The following CENPN variants were observed in gnomAD, a reference collection of about 807,000 sequenced individuals.
CENPN encodes interphase centromere complex protein 32.
Under a neutral mutation model 48.6 loss-of-function variants are expected in CENPN, and 36 were observed. That is an observed-to-expected ratio of 0.74 (90% confidence interval 0.57 to 0.98). The LOEUF is 0.98. CENPN is among the 50% of genes least tolerant of loss of function. The pLI, the probability that CENPN is intolerant of heterozygous loss-of-function variation, is 0.00. For missense variants in CENPN, 439 were observed against 399.2 expected, an observed-to-expected ratio of 1.10 and a Z score of -0.85; for synonymous variants, 166 against 135.2, an observed-to-expected ratio of 1.23 and a Z score of -1.58.
chr16:81,028,441 T>C (rs1197619549), intron 10 of CENPN, 128 bp from the exon 11 acceptor site: 6 of 1,481,686 alleles, frequency 4.0e-6, no homozygotes, highest in Non-Finnish European at 4.6e-6. Flanking sequence ...TCTGCTTCTG[T>C]ACTTAATAGG....
chr16:81,014,147 A>G lies in CENPN; in HGVS notation c.183A>G (p.Ala61=). 1 of 1,613,562 alleles carries G rather than the reference A, an allele frequency of 6.2e-7. No homozygotes were observed. ...GTTTTCTCTTTTAGGAAAAGCGTGCAAGTATCAGTGATGCTGCCCTGTTAG... is the reference window on the plus strand; with the variant it reads ...GTTTTCTCTTTTAGGAAAAGCGTGCGAGTATCAGTGATGCTGCCCTGTTAG... The part of the protein sequence containing the change: ...HLIHLCEEKR[A]SISDAALLDI... Residue 61 remains alanine, a synonymous_variant, in exon 3 of 11, where the codon GCA becomes GCG. Transcript: ENST00000305850.
chr16:81,026,792 T>C (rs1222574812), intron 9 of CENPN, among the ~76,000 whole-genome samples, 154 bp downstream of exon 9: 1 of 152,260 alleles, frequency 6.6e-6, no homozygotes, highest in Non-Finnish European at 1.5e-5. Flanking sequence ...GACCTCTTTA[T>C]TGTATTTATA....
chr16:81,009,403 A>T (rs1969646470), intron 1 of CENPN, among the ~76,000 whole-genome samples: 1 of 152,132 alleles, frequency 6.6e-6, no homozygotes. Context: ...TTCTCTAGAG[A>T]TTATTTAAGA....
chr16:81,017,704 C>A, intron 4 of CENPN, 54 bp from the exon 5 acceptor site: 1 of 1,214,244 alleles, frequency 8.2e-7, no homozygotes, highest in Non-Finnish European at 1.2e-6. Flanking sequence ...AATGTATTTA[C>A]TGAAGACATT....
chr16:81,029,078 C>T lies in CENPN; in HGVS notation c.*427C>T. The T allele has an allele frequency of 1.0e-6, 1 of 987,002 alleles. No homozygotes were observed. Among genetic ancestry groups the T allele is most frequent in the African/African-American group, 1.7e-5 (1 of 57,356 alleles). The allele number at this position is 987,002 out of a possible 1,614,324, so 61.1% of individuals were successfully genotyped here. On this transcript the variant is annotated 3_prime_UTR_variant, in exon 11 of 11. Transcript: ENST00000305850. ...AGCTCTGGATCACAGAGAGAAGCAA[C>T]AAGGAACTATACTCAACTCAAAACT...
chr16:81,029,029 C>G lies in CENPN; in HGVS notation c.*378C>G. On this transcript the variant is annotated 3_prime_UTR_variant, in exon 11 of 11. Transcript: ENST00000305850. ...TTCTGGAGAGGTCTGGTTCCAGTGG[C>G]TGGTTTCCAGGGATTGATTCTTAAG... 1.0e-6 allele frequency: 1 copy of G among 990,460 alleles called. No individual in the cohort carries two copies. The highest frequency in any genetic ancestry group is 4.6e-5 in the South Asian group (1 of 21,530). 61.4% of individuals were successfully genotyped at this position (990,460 alleles called of 1,614,324 possible). A position where few individuals can be genotyped will look rare whatever the true frequency, so the allele number is the denominator to read the frequency against.
In CENPN at chr16:81,028,615, C is replaced by T. The variant is rs1468735379; in HGVS notation, c.984C>T (p.Asn328=). The change falls in exon 11 of 11, where the codon AAC becomes AAT. Residue 328 remains asparagine, a synonymous_variant. Coordinates refer to ENST00000305850, the MANE Select transcript of CENPN (RefSeq NM_001100624.3). ...CTCCACTGCTCACTTGCATACCCAACAAGAGAATGAATTATTTTAAAATTA... is the reference window on the plus strand; with the variant it reads ...CTCCACTGCTCACTTGCATACCCAATAAGAGAATGAATTATTTTAAAATTA... ...PLSPLLTCIP[N]KRMNYFKIRD... 1.2e-6 allele frequency: 2 copies of T among 1,611,692 alleles called. No homozygotes were observed. Among genetic ancestry groups the T allele is most frequent in the Admixed American group, 3.4e-5 (2 of 59,514 alleles).
chr16:81,026,548 A>G lies in CENPN; in HGVS notation c.720A>G (p.Glu240=), dbSNP rs771964361. 32 of 1,596,148 alleles carry G rather than the reference A, an allele frequency of 2.0e-5. 1 individual carries two copies. The Admixed American group carries it at 5.2e-4, about 26-fold the overall frequency. Residue 240 remains glutamate (E), a synonymous_variant, in exon 9 of 11, where the codon GAA becomes GAG. Transcript: ENST00000305850. ...DINMDSRIIH[E]NIVEKERVQR... is the part of the protein sequence containing the mutation. ...TAGTGGATTCAAGGATCATTCATGA[A>G]AACATAGTAGAAAAAGAGAGAGTCC...
At position 81,029,022 on chromosome 16, in the gene CENPN, C is replaced by A. The variant is rs1970646897; in HGVS notation, c.*371C>A. On this transcript the variant is annotated 3_prime_UTR_variant, in exon 11 of 11. Transcript: ENST00000305850. Reference sequence around the variant, plus strand: ...TTCTCAATTCTGGAGAGGTCTGGTTCCAGTGGCTGGTTTCCAGGGATTGAT... The same window carrying A: ...TTCTCAATTCTGGAGAGGTCTGGTTACAGTGGCTGGTTTCCAGGGATTGAT... 1 of 991,378 alleles carries A rather than the reference C, an allele frequency of 1.0e-6. No homozygotes were observed. Among genetic ancestry groups the A allele is most frequent in the African/African-American group, 1.7e-5 (1 of 57,366 alleles). The allele number at this position is 991,378 out of a possible 1,614,324, so 61.4% of individuals were successfully genotyped here. A position where few individuals can be genotyped will look rare whatever the true frequency, so the allele number is the denominator to read the frequency against.
downstream of CENPN, among the ~76,000 whole-genome samples, chr16:81,032,292 G>T (rs1970806616): frequency 6.6e-6 from 1 of 152,200 alleles, no homozygotes; most frequent in Non-Finnish European, 1.5e-5. Context: ...GGCTCATTCA[G>T]ATTCCAAAGA....
intron 8 of CENPN, 83 bp from the exon 9 acceptor site, chr16:81,026,443 G>C (rs918594036): frequency 1.8e-6 from 1 of 569,204 alleles, no homozygotes; most frequent in African/African-American, 1.9e-5. Context: ...CAAACAATTC[G>C]AAGGGTTAGG....
chr16:81,025,781 C>T (rs542409938), intron 8 of CENPN, among the ~76,000 whole-genome samples: 12 of 149,802 alleles, frequency 8.0e-5, no homozygotes, highest in Non-Finnish European at 1.5e-4. Context: ...CAGCTCACTG[C>T]AACCTCTGCT....
In CENPN at chr16:81,031,041, TC is replaced by T. The variant is rs1970751174; in HGVS notation, c.*2392del. 6.6e-6 allele frequency: 1 copy of T among 151,894 alleles called. No homozygotes were observed. The highest frequency in any genetic ancestry group is 2.4e-5 in the African/African-American group (1 of 41,322). 9.4% of individuals were successfully genotyped at this position (151,894 alleles called of 1,614,324 possible). A position where few individuals can be genotyped will look rare whatever the true frequency, so the allele number is the denominator to read the frequency against. On this transcript the variant is annotated 3_prime_UTR_variant, in exon 11 of 11. Transcript: ENST00000305850. ...TCCAGCCTAGGTGACAGAGTGAGAC[TC>T]CATCTTAAAAAATAAATAAATAAAA...
chr16:81,019,915 A>T (rs113915355), intron 5 of CENPN, among the ~76,000 whole-genome samples, 185 bp from the exon 6 acceptor site: 4,611 of 149,068 alleles, frequency 0.031, 132 homozygotes, highest in African/African-American at 0.08. Flanking sequence ...TTTTTTTTTT[A>T]AAATCACAAA....
chr16:81,022,772 GA>G, intron 7 of CENPN, 74 bp downstream of exon 7: 1 of 1,614,048 alleles, frequency 6.2e-7, no homozygotes, highest in Non-Finnish European at 8.5e-7. Context: ...AAGCTACTGG[GA>G]AAATCTACCT....
At chr16:81,025,473 T>A (rs1176211278) in intron 8 of CENPN, among the ~76,000 whole-genome samples, 4 of 152,204 alleles carry the variant, frequency 2.6e-5, no homozygotes, top group Admixed American at 2.6e-4. Context: ...TTTTATGATT[T>A]TCCAGTGTCA....
intron 1 of CENPN, among the ~76,000 whole-genome samples, chr16:81,008,763 T>C (rs1341811192): frequency 2.0e-5 from 3 of 152,270 alleles, no homozygotes; most frequent in Non-Finnish European, 4.4e-5. Context: ...CACATTAGAC[T>C]GTTCTTGGCC....
At chr16:81,023,511 G>A (rs1877789872) in intron 7 of CENPN, 1 of 151,732 alleles carries the variant, frequency 6.6e-6, no homozygotes, top group South Asian at 2.1e-4. Flanking sequence ...GGCAGCATAG[G>A]GAGACCACAT....
At chr16:81,008,526 G>A (rs1969585277) in intron 1 of CENPN, among the ~76,000 whole-genome samples, 1 of 151,978 alleles carries the variant, frequency 6.6e-6, no homozygotes. Flanking sequence ...TGTGCGTCAC[G>A]ACACCCGGCT....
Sources: gnomAD v4.1 joint callset for allele counts (sites outside exome capture counted in the v4.1 genomes callset) on GRCh38, gnomAD v4.1.1 for gene constraint, MANE v1.5 for transcripts, NCBI Gene and HGNC (gene_info 2026-07-23, HGNC 2026-07-21) for gene names.